The following RBFOX1 variants were observed in gnomAD, a reference collection of about 807,000 sequenced individuals.
RBFOX1 encodes RNA binding fox-1 homolog 1, also known as RNA binding protein fox-1 homolog 1.
RBFOX1 carries 8 observed loss-of-function variants against 57.7 expected under a neutral mutation model. The ratio of observed to expected loss-of-function variants is 0.14; its 90% CI spans 0.08 to 0.25. The LOEUF is 0.25. Among genes scored for constraint, RBFOX1 ranks in the 10% least tolerant of loss-of-function variants. RBFOX1 has a pLI of 1.00. For missense variants in RBFOX1, 611 were observed against 548.5 expected, an observed-to-expected ratio of 1.11 and a Z score of -1.14; for synonymous variants, 326 against 222.4, an observed-to-expected ratio of 1.47 and a Z score of -4.15.
intron 3 of RBFOX1, among the ~76,000 whole-genome samples, chr16:6,874,645 C>T (rs181920472): frequency 6.6e-6 from 1 of 151,474 alleles, no homozygotes; most frequent in East Asian, 1.9e-4. Flanking sequence ...CTCCCACTTA[C>T]AATGGTTTTC....
intron 4 of RBFOX1, among the ~76,000 whole-genome samples, chr16:5,965,877 T>G (rs1438708736): frequency 1.3e-5 from 2 of 151,998 alleles, no homozygotes; most frequent in African/African-American, 2.4e-5. Flanking sequence ...CCTTTCCTCC[T>G]CCAGCTCACA....
Position 7,518,414 on chromosome 16 carries a change from T to G in RBFOX1, c.270+25T>G, listed in dbSNP as rs763032178. 9.4e-6 allele frequency: 15 copies of G among 1,589,538 alleles called. No homozygotes were observed. In the Admixed American group the frequency reaches 1.2e-4, roughly 13 times the overall value. On this transcript the variant is annotated intron_variant, in intron 5 of 15. Coordinates refer to ENST00000550418, the MANE Select transcript of RBFOX1 (RefSeq NM_018723.4). ...AGTAAGTGGACGTGTTTGCTACGGG[T>G]GGGAGGTTATGGGGAGGCGCCCCCA... is the stretch of plus-strand genomic sequence containing the variant.
intron 1 of RBFOX1, among the ~76,000 whole-genome samples, chr16:6,124,784 T>C (rs372263757): frequency 1.9e-4 from 29 of 152,260 alleles, no homozygotes; most frequent in African/African-American, 7.0e-4. Flanking sequence ...CGCCTTGGCC[T>C]TCCAAAATGG....
At chr16:6,911,776 C>T (rs1057058706) in intron 3 of RBFOX1, among the ~76,000 whole-genome samples, 2 of 152,112 alleles carry the variant, frequency 1.3e-5, no homozygotes, top group Non-Finnish European at 2.9e-5. Context: ...AATTTTGTTT[C>T]CACTTATAGA....
chr16:7,195,194 C>T (rs963238113), intron 4 of RBFOX1, among the ~76,000 whole-genome samples: 1 of 152,168 alleles, frequency 6.6e-6, no homozygotes. Context: ...TTGGGGTGGA[C>T]TCTGTTCATG....
At chr16:7,333,868 T>G (rs1027930776) in intron 4 of RBFOX1, among the ~76,000 whole-genome samples, 1 of 152,196 alleles carries the variant, frequency 6.6e-6, no homozygotes, top group Non-Finnish European at 1.5e-5. Flanking sequence ...CTACTAGCGA[T>G]AGAACCCACA....
At chr16:5,368,030 G>A (rs551078255) in intron 1 of RBFOX1, among the ~76,000 whole-genome samples, 48 of 152,332 alleles carry the variant, frequency 3.2e-4, no homozygotes, top group African/African-American at 1.1e-3. Flanking sequence ...TCATTAAGTG[G>A]CAAGGTGGCC....
At chr16:7,329,709 G>A (rs1017046033) in intron 4 of RBFOX1, among the ~76,000 whole-genome samples, 7 of 152,108 alleles carry the variant, frequency 4.6e-5, no homozygotes, top group Non-Finnish European at 1.0e-4. Context: ...TGGTGATCGC[G>A]ACTGGAGGTG....
At chr16:7,582,884 A>C (rs2093884526) in intron 6 of RBFOX1, among the ~76,000 whole-genome samples, 6 of 152,198 alleles carry the variant, frequency 3.9e-5, no homozygotes, top group Admixed American at 3.9e-4. Context: ...CAAGACAAAA[A>C]AGCAACCTCC....
chr16:6,283,637 G>C (rs1041973468), intron 1 of RBFOX1, among the ~76,000 whole-genome samples: 2 of 152,154 alleles, frequency 1.3e-5, no homozygotes, highest in African/African-American at 4.8e-5. Context: ...TATTGCACCA[G>C]TTCATCCCTT....
At chr16:6,278,643 G>A (rs530120100) in intron 1 of RBFOX1, among the ~76,000 whole-genome samples, 17 of 151,714 alleles carry the variant, frequency 1.1e-4, no homozygotes, top group Non-Finnish European at 2.1e-4. Flanking sequence ...TTTTTAGGTT[G>A]TTAAAAAAAA....
intron 1 of RBFOX1, among the ~76,000 whole-genome samples, chr16:5,404,509 A>G (rs1567458152): frequency 6.6e-6 from 1 of 152,180 alleles, no homozygotes; most frequent in Non-Finnish European, 1.5e-5. Flanking sequence ...GAAGTCATTT[A>G]TATGCAAATT....
At chr16:6,979,425 G>T (rs2153585598) in intron 3 of RBFOX1, among the ~76,000 whole-genome samples, 1 of 152,268 alleles carries the variant, frequency 6.6e-6, no homozygotes, top group South Asian at 2.1e-4. Context: ...GTTGAAGAAA[G>T]TCCTTTGAAC....
At chr16:7,513,911 T>G (rs1208325831) in intron 4 of RBFOX1, among the ~76,000 whole-genome samples, 1 of 152,220 alleles carries the variant, frequency 6.6e-6, no homozygotes, top group Non-Finnish European at 1.5e-5. Flanking sequence ...CCACTGTTTT[T>G]GCACCATTTT....
chr16:6,969,509 T>C (rs2085040595), intron 3 of RBFOX1, among the ~76,000 whole-genome samples: 1 of 151,858 alleles, frequency 6.6e-6, no homozygotes, highest in Non-Finnish European at 1.5e-5. Context: ...CCAACGTAGG[T>C]GGATCGATTG....
chr16:5,825,819 A>T (rs773286424), intron 3 of RBFOX1, among the ~76,000 whole-genome samples: 346 of 133,336 alleles, frequency 2.6e-3, no homozygotes, highest in Non-Finnish European at 3.8e-3. Context: ...ATAAGGAATA[A>T]TATTCCTTAA....
chr16:6,752,173 G>C (rs1461321990), intron 3 of RBFOX1, among the ~76,000 whole-genome samples: 1 of 152,134 alleles, frequency 6.6e-6, no homozygotes, highest in Non-Finnish European at 1.5e-5. Flanking sequence ...TTAGTAGTCT[G>C]CATATTTCTT....
At chr16:5,660,054 C>T (rs892783778) in intron 3 of RBFOX1, among the ~76,000 whole-genome samples, 1 of 152,102 alleles carries the variant, frequency 6.6e-6, no homozygotes, top group Non-Finnish European at 1.5e-5. Flanking sequence ...GACCCATAGG[C>T]TTTGTTAGAC....
intron 2 of RBFOX1, among the ~76,000 whole-genome samples, chr16:5,494,730 C>T (rs2042943579): frequency 6.6e-6 from 1 of 152,144 alleles, no homozygotes; most frequent in Non-Finnish European, 1.5e-5. Context: ...TGAAAGCCAA[C>T]CAGATGGTGG....
Sources: gnomAD v4.1 joint callset for allele counts (sites outside exome capture counted in the v4.1 genomes callset) on GRCh38, gnomAD v4.1.1 for gene constraint, MANE v1.5 for transcripts, NCBI Gene and HGNC (gene_info 2026-07-23, HGNC 2026-07-21) for gene names.